ERG: variants seen among roughly 807,000 people sequenced by gnomAD.
ERG encodes the protein ETS transcription factor ERG.
In ERG, 9 loss-of-function variants were observed where a neutral mutation model predicts 55.3. That is an observed-to-expected ratio of 0.16 (90% CI 0.10 to 0.28). ERG has a LOEUF of 0.28. ERG is among the 10% of genes least tolerant of loss of function. The pLI, the probability that ERG is intolerant of heterozygous loss-of-function variation, is 1.00. For synonymous variants in ERG, 223 were observed against 237.3 expected (o/e 0.94, Z 0.55); for missense variants, 434 against 631.6 (o/e 0.69, Z 3.35).
Position 38,486,562 on chromosome 21 carries a change from T to C in ERG, c.18+11801A>G, listed in dbSNP as rs190512379. Among the ~76,000 whole-genome samples the C allele has an allele frequency of 8.5e-5, 13 of 152,304 alleles. No individual in the cohort carries two copies. In the East Asian group the frequency reaches 1.2e-3, roughly 14 times the overall value. On this transcript the variant is annotated intron_variant, in intron 1 of 9. Coordinates refer to ENST00000288319, the MANE Select transcript of ERG (RefSeq NM_182918.4). ...AAATAACCAGGTATAAATGCAGGAT[T>C]CCTTTCCAAAGACAAATACTGGAAA...
At chr21:38,473,137 A>G (rs2059155421) in intron 1 of ERG, among the ~76,000 whole-genome samples, 1 of 147,186 alleles carries the variant, frequency 6.8e-6, no homozygotes, top group South Asian at 2.2e-4. Flanking sequence ...TACATACTTC[A>G]AAATGAAATG....
intron 6 of ERG, among the ~76,000 whole-genome samples, chr21:38,393,234 T>C (rs574357074): frequency 1.3e-5 from 2 of 152,368 alleles, no homozygotes; most frequent in Non-Finnish European, 2.9e-5. Flanking sequence ...CATTTACTTT[T>C]CATATGCAAA....
chr21:38,607,007 A>C (rs1162506434), intron 1 of ERG, among the ~76,000 whole-genome samples: 1 of 152,210 alleles, frequency 6.6e-6, no homozygotes, highest in Non-Finnish European at 1.5e-5. Flanking sequence ...ATGATAAAAC[A>C]TCAAAGACAA....
At position 38,423,510 on chromosome 21, in the gene ERG, G is replaced by T. The variant is rs754381026; in HGVS notation, c.288C>A (p.Ser96Arg). The part of the protein sequence containing the change: ...SVAKGGKMVG[S>R]PDTVGMNYGS... Reference sequence around the variant, plus strand: ...CGTAGTTCATCCCAACGGTGTCTGGGCTGCCCACCATCTTCCCGCCTTTGG... The same window carrying T: ...CGTAGTTCATCCCAACGGTGTCTGGTCTGCCCACCATCTTCCCGCCTTTGG... The change falls in exon 3 of 10, where the codon AGC becomes AGA. Residue 96 changes from serine to arginine, a missense_variant. Around this residue, in one of 5 missense-constraint regions of ERG, gnomAD observed 212 missense variants for 262.9 expected, o/e 0.81. Transcript: ENST00000288319. 13 of 1,613,996 alleles carry T rather than the reference G, an allele frequency of 8.1e-6. No individual in the cohort carries two copies. Among genetic ancestry groups the T allele is most frequent in the African/African-American group, 1.3e-5 (1 of 74,912 alleles).
intron 3 of ERG, among the ~76,000 whole-genome samples, chr21:38,407,771 A>C (rs1417663907): frequency 6.8e-6 from 1 of 147,086 alleles, no homozygotes; most frequent in African/African-American, 2.5e-5. Context: ...AAGTAAAAAA[A>C]CAAAAAGAAA....
chr21:38,567,678 T>G (rs1568918587), intron 2 of ERG, among the ~76,000 whole-genome samples: 1 of 152,178 alleles, frequency 6.6e-6, no homozygotes, highest in Non-Finnish European at 1.5e-5. Flanking sequence ...TTGCAAACTG[T>G]GAGAAATGCT....
At position 38,511,628 on chromosome 21, in the gene ERG, T is replaced by C. The variant is rs553284355; in HGVS notation, c.-41+64034A>G. 3.3e-5 allele frequency among the ~76,000 whole-genome samples: 5 copies of C among 152,318 alleles called. No individual in the cohort carries two copies. In the South Asian group the frequency reaches 1.0e-3, roughly 32 times the overall value. On this transcript the variant is annotated intron_variant, in intron 2 of 8. Coordinates refer to the ERG transcript ENST00000398897. ...ATTCACCGTAATACTTTCTAATCAA[T>C]CAATTTTAAGATACATCCCAATTTT...
chr21:38,583,158 A>G (rs1409993062), intron 1 of ERG, among the ~76,000 whole-genome samples: 3 of 152,206 alleles, frequency 2.0e-5, no homozygotes, highest in Non-Finnish European at 4.4e-5. Context: ...GGATGAGCAG[A>G]TATTAGGCAA....
upstream of ERG, among the ~76,000 whole-genome samples, chr21:38,502,847 C>A (rs1014920837): frequency 6.6e-6 from 1 of 150,874 alleles, no homozygotes; most frequent in African/African-American, 2.4e-5. Context: ...CTGCCTCAGC[C>A]TCCTGAGTAG....
At chr21:38,574,206 T>C (rs567807675) in intron 2 of ERG, among the ~76,000 whole-genome samples, 75 of 152,326 alleles carry the variant, frequency 4.9e-4, no homozygotes, top group African/African-American at 1.7e-3. Flanking sequence ...CAGCAGACAC[T>C]AAAAATTAAA....
At chr21:38,616,524 C>T (rs765657207) in intron 1 of ERG, among the ~76,000 whole-genome samples, 3 of 151,942 alleles carry the variant, frequency 2.0e-5, no homozygotes, top group African/African-American at 7.3e-5. Flanking sequence ...TATACTTGAC[C>T]ATGAACACCG....
At chr21:38,448,387 T>C (rs1181908327) in intron 1 of ERG, among the ~76,000 whole-genome samples, 1 of 152,176 alleles carries the variant, frequency 6.6e-6, no homozygotes, top group Non-Finnish European at 1.5e-5. Flanking sequence ...TTTTGTTCAT[T>C]AGAAGGGAAA....
intron 2 of ERG, among the ~76,000 whole-genome samples, chr21:38,545,360 C>A (rs2836503): frequency 0.51 from 76,817 of 151,928 alleles, 20,722 homozygotes; most frequent in Non-Finnish European, 0.62. Context: ...CAGAGGTAAA[C>A]GCTCCCTTGC....
intron 1 of ERG, among the ~76,000 whole-genome samples, chr21:38,592,467 G>C (rs1345509215): frequency 1.3e-5 from 2 of 152,214 alleles, no homozygotes; most frequent in African/African-American, 4.8e-5. Flanking sequence ...ATCTGGAAAA[G>C]TGGCAGGCTT....
intron 9 of ERG, among the ~76,000 whole-genome samples, chr21:38,385,920 C>T (rs1049299592): frequency 7.9e-5 from 12 of 152,136 alleles, no homozygotes; most frequent in African/African-American, 2.4e-4. Flanking sequence ...TAAACACATA[C>T]GGTTGTTTGA....
chr21:38,485,924 T>G (rs1464595130), intron 1 of ERG, among the ~76,000 whole-genome samples: 5 of 151,784 alleles, frequency 3.3e-5, no homozygotes, highest in African/African-American at 1.2e-4. Context: ...TTTTTTCCCT[T>G]CTTAATAATA....
intron 2 of ERG, among the ~76,000 whole-genome samples, chr21:38,515,162 G>A (rs1217295041): frequency 6.6e-6 from 1 of 151,916 alleles, no homozygotes; most frequent in Non-Finnish European, 1.5e-5. Flanking sequence ...TTGATCAATA[G>A]ATTCAATGCA....
At chr21:38,411,216 A>T (rs1336422042) in intron 3 of ERG, among the ~76,000 whole-genome samples, 1 of 152,208 alleles carries the variant, frequency 6.6e-6, no homozygotes, top group Non-Finnish European at 1.5e-5. Flanking sequence ...GAGCCTTTTA[A>T]ATTTCTAACT....
chr21:38,570,673 G>A (rs931291189), intron 2 of ERG, among the ~76,000 whole-genome samples: 15 of 152,162 alleles, frequency 9.9e-5, no homozygotes, highest in Admixed American at 6.5e-5. Flanking sequence ...AGAAACTAAG[G>A]AACTTGTACA....
Sources: gnomAD v4.1 joint callset for allele counts (sites outside exome capture counted in the v4.1 genomes callset) on GRCh38, gnomAD v4.1.1 for gene constraint, gnomAD v4.1.1 regional missense constraint, MANE v1.5 for transcripts, NCBI Gene and HGNC (gene_info 2026-07-23, HGNC 2026-07-21) for gene names.